PSG5: variants seen among roughly 807,000 people sequenced by gnomAD.
The protein encoded by PSG5 is pregnancy specific beta-1-glycoprotein 5, also known as pregnancy-specific beta-1-glycoprotein 5.
In PSG5, 53 loss-of-function variants were observed where a neutral mutation model predicts 37.7. The ratio of observed to expected loss-of-function variants is 1.41; its 90% CI spans 1.13 to 1.77. PSG5 has a LOEUF of 1.77. PSG5 is among the 40% of genes most tolerant of loss of function. PSG5 has a pLI of 0.00. For missense variants in PSG5, 547 were observed against 405.2 expected, an observed-to-expected ratio of 1.35 and a Z score of -3.00; for synonymous variants, 221 against 155.4, an observed-to-expected ratio of 1.42 and a Z score of -3.14.
intron 2 of PSG5, among the ~76,000 whole-genome samples, chr19:43,177,126 C>G (rs1173253335): frequency 6.6e-6 from 1 of 151,538 alleles, no homozygotes; most frequent in African/African-American, 2.4e-5. Flanking sequence ...GATTCGACTA[C>G]TCTAGGGACC....
At chr19:43,177,613 G>C (rs1183237601) in intron 2 of PSG5, among the ~76,000 whole-genome samples, 1 of 151,380 alleles carries the variant, frequency 6.6e-6, no homozygotes, top group Non-Finnish European at 1.5e-5. Context: ...TTGGATGTGA[G>C]AAAGGCTGAT....
intron 2 of PSG5, chr19:43,180,533 C>A (rs945297274): frequency 6.6e-6 from 1 of 151,308 alleles, no homozygotes; most frequent in Non-Finnish European, 1.5e-5. Flanking sequence ...ATGCTCAATT[C>A]GTAATACTGT....
Position 43,170,284 on chromosome 19 carries a change from A to G in PSG5, c.965-146T>C, listed in dbSNP as rs1742220848. ...CCTCTTGGGAAATTGATGGGAGATGATTATATTCTTGCAGTTTTTTTTTTC... is the reference window on the plus strand; with the variant it reads ...CCTCTTGGGAAATTGATGGGAGATGGTTATATTCTTGCAGTTTTTTTTTTC... On this transcript the variant is annotated intron_variant, in intron 4 of 5. Transcript: ENST00000342951. 4 of 859,316 alleles carry G rather than the reference A, an allele frequency of 4.7e-6. No homozygotes were observed. In the South Asian group the frequency reaches 6.6e-5, roughly 14 times the overall value. The allele number at this position is 859,316 out of a possible 1,614,324, so 53.2% of individuals were successfully genotyped here.
chr19:43,183,898 TG>T (rs1288633028), intron 2 of PSG5, among the ~76,000 whole-genome samples: 1 of 137,390 alleles, frequency 7.3e-6, no homozygotes, highest in African/African-American at 2.9e-5. Context: ...ATAAGCTAAG[TG>T]GCAAATGGAC....
At chr19:43,184,289 G>A (rs1249152114) in intron 2 of PSG5, among the ~76,000 whole-genome samples, 1 of 151,644 alleles carries the variant, frequency 6.6e-6, no homozygotes, top group African/African-American at 2.4e-5. Context: ...TCAGACAGCT[G>A]GTAAATTCTT....
intron 2 of PSG5, 114 bp from the exon 3 acceptor site, chr19:43,176,262 G>C: frequency 6.7e-7 from 1 of 1,501,502 alleles, no homozygotes; most frequent in Non-Finnish European, 9.0e-7. Context: ...GTCCTTGAAA[G>C]CCAGTAGCTG....
Position 43,186,230 on chromosome 19 carries a change from C to T in PSG5, c.64+112G>A, listed in dbSNP as rs575999576. 949 of 1,549,148 alleles carry T rather than the reference C, an allele frequency of 6.1e-4. 22 individuals carry two copies. The highest frequency in any genetic ancestry group is 6.6e-4 in the Non-Finnish European group (749 of 1,134,904). On this transcript the variant is annotated intron_variant, in intron 1 of 5. Coordinates refer to ENST00000342951, the MANE Select transcript of PSG5 (RefSeq NM_002781.4). ...TGATCTCATAATCCACCCACCTCAT[C>T]CTCCCAAAGTGCTGGCTTCTTTTAT...
intron 2 of PSG5, among the ~76,000 whole-genome samples, chr19:43,181,710 C>G (rs557914507): frequency 6.6e-6 from 1 of 151,912 alleles, no homozygotes; most frequent in South Asian, 2.1e-4. Context: ...GCCTCGGCCT[C>G]CCAAAGTCCT....
At chr19:43,183,070 G>C (rs1293101105) in intron 2 of PSG5, among the ~76,000 whole-genome samples, 2 of 151,194 alleles carry the variant, frequency 1.3e-5, no homozygotes, top group Admixed American at 1.3e-4. Context: ...TTGCCAGTCA[G>C]AATGAAGTGG....
intron 5 of PSG5, 78 bp downstream of exon 5, chr19:43,169,977 A>T: frequency 1.1e-6 from 1 of 901,654 alleles, no homozygotes. Flanking sequence ...CCCAGATACA[A>T]GCAAATAAGT....
chr19:43,178,283 T>C lies in PSG5; in HGVS notation c.431-2135A>G, dbSNP rs141166885. On this transcript the variant is annotated intron_variant, in intron 2 of 5. Coordinates refer to ENST00000342951, the MANE Select transcript of PSG5 (RefSeq NM_002781.4). ...GTTCCATCAGTGGCTGAGTTATGGA[T>C]GAAACAGACATAGATCCCTCTATGT... Among the ~76,000 whole-genome samples the C allele has an allele frequency of 1.2e-4, 18 of 151,738 alleles. 1 individual carries two copies. The highest frequency in any genetic ancestry group is 4.4e-4 in the African/African-American group (18 of 41,196).
chr19:43,183,012 G>T (rs1183955713), intron 2 of PSG5, among the ~76,000 whole-genome samples: 2 of 150,908 alleles, frequency 1.3e-5, no homozygotes, highest in Non-Finnish European at 3.0e-5. Flanking sequence ...TAGAGGGAGT[G>T]TCTGGGGAAG....
intron 2 of PSG5, among the ~76,000 whole-genome samples, chr19:43,182,051 C>T (rs1969139581): frequency 6.6e-6 from 1 of 151,694 alleles, no homozygotes; most frequent in Non-Finnish European, 1.5e-5. Flanking sequence ...CTCCATCTGG[C>T]ATCTAGTCTC....
rs751006768 is a variant in PSG5, at chr19:43,178,917, C to A, written c.431-2769G>T. The A allele has an allele frequency of 5.6e-6, 9 of 1,612,776 alleles. No homozygotes were observed. In the South Asian group the frequency reaches 8.8e-5, roughly 16 times the overall value. On this transcript the variant is annotated intron_variant, in intron 2 of 5. Coordinates refer to ENST00000342951, the MANE Select transcript of PSG5 (RefSeq NM_002781.4). Reference sequence around the variant, plus strand: ...GGTGACTGGGTCACTGTGGCTGGCACTCACTGGGTTCCGTATTTCACATTC... The same window carrying A: ...GGTGACTGGGTCACTGTGGCTGGCAATCACTGGGTTCCGTATTTCACATTC...
chr19:43,183,611 ACT>A (rs1599755531), intron 2 of PSG5: 1 of 358,998 alleles, frequency 2.8e-6, no homozygotes, highest in Non-Finnish European at 5.5e-6. Context: ...TTTTGCACTG[ACT>A]CTGACGGTTG....
Position 43,185,042 on chromosome 19 carries a change from T to C in PSG5, c.170A>G (p.Asn57Ser), listed in dbSNP as rs769268787. The change falls in exon 2 of 6, where the codon AAT becomes AGT. Residue 57 changes from asparagine to serine, a missense_variant. By Grantham distance (46) the Asn-to-Ser change is conservative (BLOSUM62 1). Transcript: ENST00000342951. ...GTAGCCAGCAAGATTCTGAGGCAAA[T>C]TGTGGACAAGTAGAAGAACATCCTT... The part of the protein sequence containing the change: ...EGKDVLLLVH[N>S]LPQNLAGYIW... 3.7e-6 allele frequency: 6 copies of C among 1,612,528 alleles called. No individual in the cohort carries two copies. In the South Asian group the frequency reaches 4.4e-5, roughly 12 times the overall value.
intron 2 of PSG5, chr19:43,183,599 T>A: frequency 2.6e-6 from 1 of 378,662 alleles, no homozygotes. Flanking sequence ...CCTGGACATA[T>A]TTTTTGCACT....
At position 43,176,243 on chromosome 19, in the gene PSG5, C is replaced by A. The variant is rs549870219; in HGVS notation, c.431-95G>T. 4 of 1,552,652 alleles carry A rather than the reference C, an allele frequency of 2.6e-6. 1 individual carries two copies. In the South Asian group the frequency reaches 3.6e-5, roughly 14 times the overall value. ...AGAGTTGGCATCTCCCACCTGTCAA[C>A]CCACCAGAGTCCTTGAAAGCCAGTA... On this transcript the variant is annotated intron_variant, in intron 2 of 5. Transcript: ENST00000342951.
rs911273225 is a variant in PSG5, at chr19:43,178,778, A to G, written c.431-2630T>C. On this transcript the variant is annotated intron_variant, in intron 2 of 5. Coordinates refer to ENST00000342951, the MANE Select transcript of PSG5 (RefSeq NM_002781.4). ...GGCCAGCTTTGATGTCCAGGGGTAA[A>G]GGTCTCTGTACTTGGACCTGAGAGG... is the stretch of plus-strand genomic sequence containing the variant. The G allele has an allele frequency of 2.3e-5, 37 of 1,607,510 alleles. 2 individuals are homozygous for G. In the African/African-American group the frequency reaches 4.4e-4, roughly 19 times the overall value.
Sources: allele counts gnomAD v4.1 joint callset (sites outside exome capture counted in the v4.1 genomes callset), GRCh38; gene constraint gnomAD v4.1.1; transcripts MANE v1.5; gene names NCBI Gene and HGNC (gene_info 2026-07-23, HGNC 2026-07-21).